CPED1: variants seen among roughly 807,000 people sequenced by gnomAD.
CPED1 encodes the protein cadherin-like and PC-esterase domain-containing protein 1.
A neutral mutation model predicts 128.2 loss-of-function variants in CPED1; 114 were observed. That is an observed-to-expected ratio of 0.89 (90% CI 0.76 to 1.04). The LOEUF (loss-of-function observed/expected upper bound fraction) is 1.04, where lower values mean the gene tolerates loss of function less well. CPED1 is among the 50% of genes least tolerant of loss of function. The pLI is 0.00. For missense variants in CPED1, 1,211 were observed against 1,207.1 expected (o/e 1.00, Z -0.05); for synonymous variants, 462 against 426.7 (o/e 1.08, Z -1.02).
chr7:121,048,550 G>GT (rs1390261215), intron 4 of CPED1, among the ~76,000 whole-genome samples: 8 of 150,770 alleles, frequency 5.3e-5, no homozygotes, highest in African/African-American at 1.2e-4. Flanking sequence ...TTTTTGTTTT[G>GT]TTTTTTTGAG....
intron 16 of CPED1, among the ~76,000 whole-genome samples, chr7:121,235,528 C>T (rs113839515): frequency 0.017 from 2,595 of 152,124 alleles, 78 homozygotes; most frequent in African/African-American, 0.058. Flanking sequence ...TGATTAGAAC[C>T]AGAGTTACAC....
intron 16 of CPED1, among the ~76,000 whole-genome samples, chr7:121,223,516 A>C (rs1797934693): frequency 6.6e-6 from 1 of 152,164 alleles, no homozygotes; most frequent in African/African-American, 2.4e-5. Context: ...TGATTGGAGT[A>C]GTTTCAGAAG....
chr7:121,278,806 G>A (rs534683796), intron 22 of CPED1, among the ~76,000 whole-genome samples: 1 of 152,226 alleles, frequency 6.6e-6, no homozygotes, highest in African/African-American at 2.4e-5. Context: ...TCTTAAGAAG[G>A]ATAATTAAAT....
chr7:121,196,091 C>T (rs1426254645), intron 16 of CPED1, among the ~76,000 whole-genome samples: 1 of 152,048 alleles, frequency 6.6e-6, no homozygotes, highest in African/African-American at 2.4e-5. Context: ...GGAATACATT[C>T]TTTGCCAAGC....
At chr7:121,127,280 A>C in intron 10 of CPED1, 23 bp downstream of exon 10, 1 of 1,434,924 alleles carries the variant, frequency 7.0e-7, no homozygotes, top group South Asian at 1.3e-5. Context: ...TTGTGTACTG[A>C]TAAATATTTT....
intron 16 of CPED1, among the ~76,000 whole-genome samples, chr7:121,175,535 G>C (rs1276146254): frequency 1.3e-5 from 2 of 152,032 alleles, no homozygotes; most frequent in African/African-American, 2.4e-5. Flanking sequence ...ACAGGATAGT[G>C]GATGGATTGG....
At position 121,130,209 on chromosome 7, in the gene CPED1, G is replaced by A. The variant is rs1795627577; in HGVS notation, c.1492G>A (p.Val498Ile). The A allele has an allele frequency of 4.3e-6, 7 of 1,612,720 alleles. No homozygotes were observed. The East Asian group carries it at 1.6e-4, about 36-fold the overall frequency. Residue 498 changes from valine (V) to isoleucine (I), a missense_variant, in exon 12 of 23, where the codon GTC (valine) becomes ATC (isoleucine). By Grantham distance (29) the Val-to-Ile change is conservative. Coordinates refer to ENST00000310396, the MANE Select transcript of CPED1 (RefSeq NM_024913.5). ...AAATCCTGTGGGAAATCCTGGCTCAGTCCTGACCCAATACTGGTCTCTTTT... is the reference window on the plus strand; with the variant it reads ...AAATCCTGTGGGAAATCCTGGCTCAATCCTGACCCAATACTGGTCTCTTTT... ...VANPVGNPGS[V>I]LTQYWSLLNV...
chr7:121,175,483 G>C (rs1177272198), intron 16 of CPED1, among the ~76,000 whole-genome samples: 1 of 152,012 alleles, frequency 6.6e-6, no homozygotes, highest in Non-Finnish European at 1.5e-5. Context: ...CCATTTTATT[G>C]TGACAGAAAC....
At chr7:121,008,736 T>C (rs1792088138) in intron 2 of CPED1, among the ~76,000 whole-genome samples, 4 of 151,992 alleles carry the variant, frequency 2.6e-5, no homozygotes, top group Non-Finnish European at 5.9e-5. Flanking sequence ...ATTTCATTAA[T>C]GGTTTATTGC....
intron 22 of CPED1, among the ~76,000 whole-genome samples, chr7:121,279,443 C>G (rs890763657): frequency 4.0e-5 from 6 of 150,096 alleles, no homozygotes; most frequent in Non-Finnish European, 8.9e-5. Context: ...TACTCACTCA[C>G]TCCCCACCCC....
Position 121,271,355 on chromosome 7 carries a change from A to C in CPED1, c.2793A>C (p.Val931=). The C allele has an allele frequency of 6.2e-7, 1 of 1,612,560 alleles. No individual in the cohort carries two copies. Among genetic ancestry groups the C allele is most frequent in the Non-Finnish European group, 8.5e-7 (1 of 1,178,854 alleles). Residue 931 remains valine, a synonymous_variant, in exon 22 of 23, where the codon GTA becomes GTC. Transcript: ENST00000310396. The part of the protein sequence containing the change: ...LDTAKKHGYE[V]VDTFTITMGR... ...CTGCAAAAAAACATGGCTATGAAGT[A>C]GTTGACACATTCACTATAACAATGG...
At chr7:121,116,974 A>G (rs1584522959) in intron 7 of CPED1, among the ~76,000 whole-genome samples, 1 of 140,774 alleles carries the variant, frequency 7.1e-6, no homozygotes, top group African/African-American at 2.7e-5. Context: ...ATATATATAT[A>G]TATACACACA....
intron 16 of CPED1, among the ~76,000 whole-genome samples, chr7:121,188,227 C>T (rs1178923912): frequency 1.3e-5 from 2 of 152,072 alleles, no homozygotes; most frequent in African/African-American, 4.8e-5. Flanking sequence ...TACGATTGAC[C>T]ATATGTTGAT....
In CPED1 at chr7:121,014,605, TTCTA is replaced by T. The variant is rs374170571; in HGVS notation, c.250-1057_250-1054del. Among the ~76,000 whole-genome samples the T allele has an allele frequency of 7.0e-3, 1,056 of 151,682 alleles. 5 individuals are homozygous for T. The highest frequency in any genetic ancestry group is 0.011 in the Non-Finnish European group (779 of 67,866). ...AATAAAATAAATGATGTAGAATTGA[TTCTA>T]TCAGTATGGGAAATAATGAAGACAT... On this transcript the variant is annotated intron_variant, in intron 2 of 22. Coordinates refer to ENST00000310396, the MANE Select transcript of CPED1 (RefSeq NM_024913.5).
intron 16 of CPED1, among the ~76,000 whole-genome samples, chr7:121,186,509 C>T (rs1418683604): frequency 6.6e-6 from 1 of 151,988 alleles, no homozygotes; most frequent in Non-Finnish European, 1.5e-5. Context: ...AGCTGAACAC[C>T]AGCATAATAC....
intron 7 of CPED1, among the ~76,000 whole-genome samples, chr7:121,112,608 G>T (rs1795141305): frequency 6.6e-6 from 1 of 152,184 alleles, no homozygotes; most frequent in South Asian, 2.1e-4. Context: ...AATTTCTCTA[G>T]TTTTAAATTG....
At chr7:121,283,411 G>C (rs1441382672) in intron 22 of CPED1, among the ~76,000 whole-genome samples, 1 of 152,084 alleles carries the variant, frequency 6.6e-6, no homozygotes, top group African/African-American at 2.4e-5. Context: ...CCTTAATCTA[G>C]ACAAGAACAC....
At chr7:121,229,364 A>G (rs1231166838) in intron 16 of CPED1, among the ~76,000 whole-genome samples, 1 of 152,074 alleles carries the variant, frequency 6.6e-6, no homozygotes, top group Non-Finnish European at 1.5e-5. Flanking sequence ...TTTCCATGAT[A>G]AACATCTTCA....
chr7:121,134,106 C>T (rs7801723), intron 13 of CPED1, among the ~76,000 whole-genome samples: 48,615 of 151,804 alleles, frequency 0.32, 8,300 homozygotes, highest in Middle Eastern at 0.48. Flanking sequence ...AAATGAACTC[C>T]GTATGTTGAA....
Sources: allele counts gnomAD v4.1 joint callset (sites outside exome capture counted in the v4.1 genomes callset), GRCh38; gene constraint gnomAD v4.1.1; transcripts MANE v1.5; gene names NCBI Gene and HGNC (gene_info 2026-07-23, HGNC 2026-07-21).